The following CRAMP1 variants were observed in gnomAD, a reference collection of about 807,000 sequenced individuals.
CRAMP1 encodes the protein protein cramped-like.
CRAMP1 carries 50 observed loss-of-function variants against 115.4 expected under a neutral mutation model. That is an observed-to-expected ratio of 0.43 (90% CI 0.35 to 0.55). The LOEUF is 0.55. CRAMP1 is among the 20% of genes least tolerant of loss of function. CRAMP1 has a pLI of 0.01. For missense variants in CRAMP1, 1,679 were observed against 1,721.7 expected (o/e 0.98, Z 0.44); for synonymous variants, 866 against 745.4 (o/e 1.16, Z -2.64).
chr16:1,614,906 G>A lies in CRAMP1; in HGVS notation c.267G>A (p.Pro89=), dbSNP rs1425050874. ...QHHFLRSSVR[P]QSKRPRKDPP... ...ACTTCCTCCGGTCCAGCGTGCGGCC[G>A]CAGAGCAAGAGGCCCAGGAAGGATC... The change falls in exon 2 of 21, where the codon CCG becomes CCA. Residue 89 remains proline, a synonymous_variant. Transcript: ENST00000397412. The surrounding 1 kb of genome is among the most constrained non-coding windows in gnomAD (Gnocchi z 4.4). The A allele has an allele frequency of 7.6e-7, 1 of 1,321,296 alleles. No individual in the cohort carries two copies. Among genetic ancestry groups the A allele is most frequent in the Admixed American group, 3.3e-5 (1 of 30,672 alleles). 81.8% of individuals were successfully genotyped at this position (1,321,296 alleles called of 1,614,324 possible). A position where few individuals can be genotyped will look rare whatever the true frequency, so the allele number is the denominator to read the frequency against.
chr16:1,647,742 C>G (rs912661249), intron 6 of CRAMP1, among the ~76,000 whole-genome samples: 11 of 125,700 alleles, frequency 8.8e-5, no homozygotes, highest in African/African-American at 3.5e-4. Flanking sequence ...GAGTGAGACT[C>G]TGCCTTAAAA....
In CRAMP1 at chr16:1,668,206, C is replaced by T. The variant is rs754552985; in HGVS notation, c.3334+13C>T. 41 of 1,578,564 alleles carry T rather than the reference C, an allele frequency of 2.6e-5. No individual in the cohort carries two copies. The highest frequency in any genetic ancestry group is 1.0e-4 in the Admixed American group (6 of 59,958). On this transcript the variant is annotated intron_variant, in intron 18 of 20. Transcript: ENST00000397412. ...TCCGGTCAGTACGGTAAGGGCAGGG[C>T]GGCCTCACAGCCCTTCCTGTCATCA...
intron 6 of CRAMP1, chr16:1,645,326 A>G (rs2036665092): frequency 4.1e-6 from 1 of 243,072 alleles, no homozygotes; most frequent in South Asian, 3.4e-5. Context: ...AGCTGGGATT[A>G]CAGGCGCCCA....
chr16:1,618,521 C>G (rs547093475), intron 2 of CRAMP1, among the ~76,000 whole-genome samples: 2 of 152,252 alleles, frequency 1.3e-5, no homozygotes, highest in African/African-American at 4.8e-5. Context: ...GACAGAGAGC[C>G]TCTGCTTATT....
intron 2 of CRAMP1, among the ~76,000 whole-genome samples, chr16:1,621,334 C>T (rs950420158): frequency 6.6e-6 from 1 of 152,216 alleles, no homozygotes; most frequent in African/African-American, 2.4e-5. Context: ...CATGGCTGTG[C>T]CCTCACTGCA....
At position 1,637,865 on chromosome 16, in the gene CRAMP1, G is replaced by T; in HGVS notation, c.736G>T (p.Gly246Cys). The part of the protein sequence containing the change: ...GLKKSSQELY[G>C]LICYGELRKK... ...GAAGAAGTCATCCCAGGAACTGTAT[G>T]GCCTGATCTGCTATGGCGAGCTGCG... Residue 246 changes from glycine (G) to cysteine (C), a missense_variant, in exon 5 of 21, where the codon GGC (glycine) becomes TGC (cysteine). Transcript: ENST00000397412. 6.4e-7 allele frequency: 1 copy of T among 1,571,354 alleles called. No individual in the cohort carries two copies. The highest frequency in any genetic ancestry group is 8.6e-7 in the Non-Finnish European group (1 of 1,160,980).
In CRAMP1 at chr16:1,666,244, T is replaced by G. The variant is rs1481351432; in HGVS notation, c.2857+67T>G. Reference sequence around the variant, plus strand: ...CTGAGGGATGTTTTTGTGACCAGGTTTTTTGAATGTTTTCTTCTCCAAATC... The same window carrying G: ...CTGAGGGATGTTTTTGTGACCAGGTGTTTTGAATGTTTTCTTCTCCAAATC... On this transcript the variant is annotated intron_variant, in intron 15 of 20. Transcript: ENST00000397412. This position sits in a 1 kb window ranked among gnomAD's most constrained non-coding sequence, Gnocchi z 5.0. The G allele has an allele frequency of 7.9e-7, 1 of 1,258,376 alleles. No individual in the cohort carries two copies. The highest frequency in any genetic ancestry group is 1.1e-6 in the Non-Finnish European group (1 of 880,244). 78.0% of individuals were successfully genotyped at this position (1,258,376 alleles called of 1,614,324 possible).
rs2036943439 is a variant in CRAMP1 at position 1,673,792 on chromosome 16, G to C, written c.3646-89G>C. ...TAGCTTCCTGCAGCGGGAGTCGATA[G>C]GAGCTTCTCGTCCTGTTTCAGGACC... is the stretch of plus-strand genomic sequence containing the variant. On this transcript the variant is annotated intron_variant, in intron 20 of 20. Transcript: ENST00000397412. 4.0e-6 allele frequency: 5 copies of C among 1,243,934 alleles called. No individual in the cohort carries two copies. The African/African-American group carries it at 4.4e-5, about 11-fold the overall frequency. 77.1% of individuals were successfully genotyped at this position (1,243,934 alleles called of 1,614,324 possible).
intron 2 of CRAMP1, among the ~76,000 whole-genome samples, chr16:1,624,531 G>A (rs915902498): frequency 2.0e-5 from 3 of 150,514 alleles, no homozygotes; most frequent in African/African-American, 7.4e-5. Flanking sequence ...CAGTTCTCCT[G>A]CCTCAGTCTC....
Position 1,653,071 on chromosome 16 carries a change from C to T in CRAMP1, c.952C>T (p.Pro318Ser). Residue 318 changes from proline (P) to serine (S), a missense_variant, in exon 8 of 21, where the codon CCT becomes TCT. Coordinates refer to ENST00000397412, the MANE Select transcript of CRAMP1 (RefSeq NM_020825.4). ...AGAGGACCAGAAGCCAGTGCGCCTG[C>T]CTCTGAAAGTCCCTATAGAGCTACA... ...DEEDQKPVRL[P>S]LKVPIELQPR... 6.2e-7 allele frequency: 1 copy of T among 1,613,292 alleles called. No individual in the cohort carries two copies. The highest frequency in any genetic ancestry group is 1.7e-5 in the Admixed American group (1 of 59,944).
At chr16:1,654,003 C>T (rs183934984) in intron 8 of CRAMP1, among the ~76,000 whole-genome samples, 53 of 142,364 alleles carry the variant, frequency 3.7e-4, no homozygotes, top group African/African-American at 1.3e-3. Context: ...ATTAGCCGGG[C>T]GTGGTGGTGG....
At chr16:1,658,815 G>A (rs1218126507) in intron 10 of CRAMP1, among the ~76,000 whole-genome samples, 1 of 152,202 alleles carries the variant, frequency 6.6e-6, no homozygotes. Flanking sequence ...AGACGGGCAG[G>A]GCTGTGCTGA....
rs2036682303 is a variant in CRAMP1, at chr16:1,647,170, T to C, written c.828-5326T>C. ...GCCTCTACCTCTCATGCAGACCTGT[T>C]TCAATTAACTGTGAATCTTCTTTGG... On this transcript the variant is annotated intron_variant, in intron 6 of 20. Transcript: ENST00000397412. 7.9e-6 allele frequency: 5 copies of C among 636,914 alleles called. No individual in the cohort carries two copies. In the South Asian group the frequency reaches 8.6e-5, roughly 11 times the overall value. 39.5% of individuals were successfully genotyped at this position (636,914 alleles called of 1,614,324 possible).
At chr16:1,658,127 G>C (rs2036792178) in intron 10 of CRAMP1, among the ~76,000 whole-genome samples, 1 of 152,206 alleles carries the variant, frequency 6.6e-6, no homozygotes, top group African/African-American at 2.4e-5. Context: ...GCTTGCCCCG[G>C]AGAGTTGGTC....
chr16:1,675,167 C>T lies in CRAMP1; in HGVS notation c.*1122C>T, dbSNP rs1185205835. 1 of 152,274 alleles carries T rather than the reference C, an allele frequency of 6.6e-6. No homozygotes were observed. The highest frequency in any genetic ancestry group is 2.1e-4 in the South Asian group (1 of 4,832). 9.4% of individuals were successfully genotyped at this position (152,274 alleles called of 1,614,324 possible). A position where few individuals can be genotyped will look rare whatever the true frequency, so the allele number is the denominator to read the frequency against. ...AATATATGCCTTCGTGGTGGTCTCCCTCCTTGCGCCCTCTTGGGTGGCCAG... is the reference window on the plus strand; with the variant it reads ...AATATATGCCTTCGTGGTGGTCTCCTTCCTTGCGCCCTCTTGGGTGGCCAG... On this transcript the variant is annotated 3_prime_UTR_variant, in exon 21 of 21. Coordinates refer to ENST00000397412, the MANE Select transcript of CRAMP1 (RefSeq NM_020825.4).
intron 2 of CRAMP1, among the ~76,000 whole-genome samples, chr16:1,624,460 C>G (rs1325226975): frequency 6.6e-6 from 1 of 151,846 alleles, no homozygotes; most frequent in Non-Finnish European, 1.5e-5. Flanking sequence ...GCCATCCAGG[C>G]TGGAGTGCAG....
chr16:1,659,544 C>T (rs1460951648), intron 10 of CRAMP1, among the ~76,000 whole-genome samples: 1 of 152,132 alleles, frequency 6.6e-6, no homozygotes, highest in Non-Finnish European at 1.5e-5. Context: ...CCCACCACCA[C>T]ACCCGGCTAA....
chr16:1,614,500 C>T lies in CRAMP1; in HGVS notation c.-1-139C>T, dbSNP rs1488011150. ...CGGCAGGGGCCGCGGCGGGCTCGGG[C>T]GGGCTCGGGCGGGCCGGGCCGAGCC... is the stretch of plus-strand genomic sequence containing the variant. On this transcript the variant is annotated intron_variant, in intron 1 of 20. Coordinates refer to ENST00000397412, the MANE Select transcript of CRAMP1 (RefSeq NM_020825.4). This position sits in a 1 kb window ranked among gnomAD's most constrained non-coding sequence, Gnocchi z 4.4. 6 of 276,600 alleles carry T rather than the reference C, an allele frequency of 2.2e-5. No individual in the cohort carries two copies. The highest frequency in any genetic ancestry group is 3.3e-5 in the Non-Finnish European group (6 of 179,108). 17.1% of individuals were successfully genotyped at this position (276,600 alleles called of 1,614,324 possible).
chr16:1,670,323 T>C, intron 19 of CRAMP1: 1 of 242,408 alleles, frequency 4.1e-6, no homozygotes, highest in Non-Finnish European at 7.7e-6. Context: ...GAGAAGAAAG[T>C]ATGGGGGTGG....
Sources: gnomAD v4.1 joint callset for allele counts (sites outside exome capture counted in the v4.1 genomes callset) on GRCh38, gnomAD v4.1.1 for gene constraint, Gnocchi (gnomAD v3.1) non-coding constraint, MANE v1.5 for transcripts, NCBI Gene and HGNC (gene_info 2026-07-23, HGNC 2026-07-21) for gene names.